SP4: variants seen among roughly 807,000 people sequenced by gnomAD.
SP4 encodes transcription factor Sp4.
A neutral mutation model predicts 72.8 loss-of-function variants in SP4; 19 were observed. The ratio of observed to expected loss-of-function variants is 0.26; its 90% CI spans 0.18 to 0.38. The LOEUF is 0.38. Among genes scored for constraint, SP4 ranks in the 10% least tolerant of loss-of-function variants. SP4 has a pLI of 1.00. For missense variants in SP4, 1,008 were observed against 926.3 expected (o/e 1.09, Z -1.14); for synonymous variants, 395 against 333.1 (o/e 1.19, Z -2.02).
chr7:21,487,988 C>T (rs753877773), intron 5 of SP4, among the ~76,000 whole-genome samples: 8 of 151,954 alleles, frequency 5.3e-5, no homozygotes, highest in Non-Finnish European at 1.5e-5. Flanking sequence ...CTCAGCCTCC[C>T]GAGTAGCTGG....
At chr7:21,507,279 A>C (rs1782023685) in intron 5 of SP4, among the ~76,000 whole-genome samples, 1 of 152,228 alleles carries the variant, frequency 6.6e-6, no homozygotes, top group Non-Finnish European at 1.5e-5. Context: ...CTAAGAGGGA[A>C]CATGCTAGGT....
At position 21,430,189 on chromosome 7, in the gene SP4, G is replaced by C. The variant is rs1388067048; in HGVS notation, c.1024G>C (p.Ala342Pro). Reference protein sequence around the residue: ...LTSSDTLVSSADTGQYASTSA... With the variant: ...LTSSDTLVSSPDTGQYASTSA... ...AAGCAGTGACACATTAGTGAGCTCAGCAGATACTGGCCAGTATGCAAGCAC... is the reference window on the plus strand; with the variant it reads ...AAGCAGTGACACATTAGTGAGCTCACCAGATACTGGCCAGTATGCAAGCAC... Residue 342 changes from alanine (A) to proline (P), a missense_variant, in exon 3 of 6, where the codon GCA (alanine) becomes CCA (proline). This residue lies in a region of SP4 where 893 missense variants were observed against 743.3 expected (regional missense o/e 1.20). Coordinates refer to ENST00000222584, the MANE Select transcript of SP4 (RefSeq NM_003112.5). The C allele has an allele frequency of 1.9e-6, 3 of 1,614,082 alleles. No individual in the cohort carries two copies. In the African/African-American group the frequency reaches 4.0e-5, roughly 22 times the overall value.
At chr7:21,455,418 C>T (rs1783731089) in intron 3 of SP4, among the ~76,000 whole-genome samples, 1 of 152,098 alleles carries the variant, frequency 6.6e-6, no homozygotes, top group Non-Finnish European at 1.5e-5. Context: ...GGGGCATGTC[C>T]TGGGGTATGG....
chr7:21,484,950 A>C (rs1200065662), intron 5 of SP4, among the ~76,000 whole-genome samples: 2 of 151,872 alleles, frequency 1.3e-5, no homozygotes, highest in African/African-American at 4.8e-5. Context: ...TATCTACTGG[A>C]TTGACAATTC....
intron 3 of SP4, among the ~76,000 whole-genome samples, chr7:21,434,817 ATTTT>A (rs35111163): frequency 2.9e-5 from 4 of 139,108 alleles, no homozygotes; most frequent in Non-Finnish European, 6.3e-5. Context: ...ATGTGTAATC[ATTTT>A]TTTTTTTTTT....
At position 21,514,729 on chromosome 7, in the gene SP4, C is replaced by G. The variant is rs1782226685; in HGVS notation, c.*3460C>G. The stretch of plus-strand genomic sequence containing the variant: ...AAGTTGTTGCCTGCAATAACAATTG[C>G]AAGTAACCTATTAAAAATTCCCTTG... On this transcript the variant is annotated 3_prime_UTR_variant, in exon 6 of 6. Transcript: ENST00000222584. 6.6e-6 allele frequency: 1 copy of G among 152,110 alleles called. No homozygotes were observed. Among genetic ancestry groups the G allele is most frequent in the Non-Finnish European group, 1.5e-5 (1 of 68,022 alleles). 9.4% of individuals were successfully genotyped at this position (152,110 alleles called of 1,614,324 possible). A position where few individuals can be genotyped will look rare whatever the true frequency, so the allele number is the denominator to read the frequency against.
intron 3 of SP4, among the ~76,000 whole-genome samples, chr7:21,463,002 A>T (rs1331543987): frequency 2.0e-5 from 3 of 152,234 alleles, no homozygotes; most frequent in Non-Finnish European, 4.4e-5. Context: ...CAGTTGCATT[A>T]ACTACATTTA....
chr7:21,447,782 C>T (rs976992080), intron 3 of SP4, among the ~76,000 whole-genome samples: 1 of 152,184 alleles, frequency 6.6e-6, no homozygotes, highest in East Asian at 1.9e-4. Context: ...CTCCCAGGTT[C>T]AAGCGATTCT....
In SP4 at chr7:21,512,435, A is replaced by C. The variant is rs955352013; in HGVS notation, c.*1166A>C. ...CTGAATTTTCCCTAAAAATTAGCCT[A>C]ATATATAATAGATATATTATGAAGC... On this transcript the variant is annotated 3_prime_UTR_variant, in exon 6 of 6. Coordinates refer to ENST00000222584, the MANE Select transcript of SP4 (RefSeq NM_003112.5). The C allele has an allele frequency of 1.3e-5, 2 of 152,294 alleles. No homozygotes were observed. Among genetic ancestry groups the C allele is most frequent in the Non-Finnish European group, 2.9e-5 (2 of 68,040 alleles). 9.4% of individuals were successfully genotyped at this position (152,294 alleles called of 1,614,324 possible).
At chr7:21,485,069 G>A (rs1293354424) in intron 5 of SP4, among the ~76,000 whole-genome samples, 1 of 151,718 alleles carries the variant, frequency 6.6e-6, no homozygotes, top group Admixed American at 6.6e-5. Flanking sequence ...ATTAATATCA[G>A]TATACTTAAA....
chr7:21,489,795 G>T (rs1481887428), intron 5 of SP4, among the ~76,000 whole-genome samples: 2 of 151,828 alleles, frequency 1.3e-5, no homozygotes, highest in African/African-American at 4.8e-5. Flanking sequence ...TCCTGACCTT[G>T]GATCCACCCG....
chr7:21,495,955 A>T (rs1781694395), intron 5 of SP4, among the ~76,000 whole-genome samples: 1 of 152,214 alleles, frequency 6.6e-6, no homozygotes, highest in African/African-American at 2.4e-5. Flanking sequence ...CACATGGATG[A>T]AACTCAGATG....
intron 5 of SP4, among the ~76,000 whole-genome samples, chr7:21,499,930 A>G (rs964239529): frequency 6.6e-6 from 1 of 152,216 alleles, no homozygotes; most frequent in African/African-American, 2.4e-5. Context: ...AAAGCTTAAA[A>G]GATCTGGTTT....
intron 3 of SP4, among the ~76,000 whole-genome samples, chr7:21,439,361 T>C (rs1446933492): frequency 1.3e-5 from 2 of 152,174 alleles, no homozygotes; most frequent in Non-Finnish European, 2.9e-5. Context: ...TTGTATAAAT[T>C]TGTTGGGTGC....
intron 3 of SP4, among the ~76,000 whole-genome samples, chr7:21,473,030 G>A (rs771803166): frequency 7.9e-5 from 12 of 152,140 alleles, no homozygotes; most frequent in South Asian, 6.2e-4. Flanking sequence ...GACTTTGGTC[G>A]GTGGAAGAAT....
chr7:21,447,085 G>T (rs1220574395), intron 3 of SP4, among the ~76,000 whole-genome samples: 1 of 152,156 alleles, frequency 6.6e-6, no homozygotes, highest in African/African-American at 2.4e-5. Context: ...TTGCCATCTG[G>T]GACCTCATCT....
At chr7:21,462,953 A>T (rs895313697) in intron 3 of SP4, among the ~76,000 whole-genome samples, 4 of 152,228 alleles carry the variant, frequency 2.6e-5, no homozygotes, top group Non-Finnish European at 5.9e-5. Context: ...CATGTGGCTT[A>T]TAAACCTAAA....
intron 5 of SP4, among the ~76,000 whole-genome samples, chr7:21,487,762 A>ATGGTGGTGGTGG (rs745424097): frequency 1.4e-5 from 1 of 71,172 alleles, no homozygotes; most frequent in Non-Finnish European, 4.9e-5. Context: ...GATGATGATG[A>ATGGTGGTGGTGG]TGGTGGTGGT....
Position 21,452,394 on chromosome 7 carries a change from A to G in SP4, c.1678+21551A>G, listed in dbSNP as rs182776170. 2.5e-3 allele frequency among the ~76,000 whole-genome samples: 378 copies of G among 152,292 alleles called. 3 individuals are homozygous for G. Among genetic ancestry groups the G allele is most frequent in the Non-Finnish European group, 2.9e-3 (195 of 68,022 alleles). On this transcript the variant is annotated intron_variant, in intron 3 of 5. Transcript: ENST00000222584. ...GCCCAGCTATCAGTTGGTGCCATCAAATACCTGTATGAATTGGACAAATTC... is the reference window on the plus strand; with the variant it reads ...GCCCAGCTATCAGTTGGTGCCATCAGATACCTGTATGAATTGGACAAATTC...
Sources: gnomAD v4.1 joint callset for allele counts (sites outside exome capture counted in the v4.1 genomes callset) on GRCh38, gnomAD v4.1.1 for gene constraint, gnomAD v4.1.1 regional missense constraint, MANE v1.5 for transcripts, NCBI Gene and HGNC (gene_info 2026-07-23, HGNC 2026-07-21) for gene names.